PALS1: variants seen among roughly 807,000 people sequenced by gnomAD.
PALS1 encodes the protein protein associated with LIN7 1, MAGUK p55 family member.
In PALS1, 31 loss-of-function variants were observed where a neutral mutation model predicts 78.9. The observed-to-expected ratio is 0.39, with a 90% CI of 0.30 to 0.53. The LOEUF is 0.53. PALS1 is among the 20% of genes least tolerant of loss of function. The pLI, the probability that PALS1 is intolerant of heterozygous loss-of-function variation, is 0.67. For missense variants in PALS1, 704 were observed against 826.5 expected (o/e 0.85, Z 1.82); for synonymous variants, 276 against 270.9 (o/e 1.02, Z -0.18).
chr14:67,255,089 C>T (rs910651245), intron 1 of PALS1, among the ~76,000 whole-genome samples: 2 of 151,960 alleles, frequency 1.3e-5, no homozygotes, highest in Non-Finnish European at 2.9e-5. Context: ...GCGGAGGTTG[C>T]AGTGAGCCAG....
chr14:67,314,195 A>C (rs940333665), intron 9 of PALS1, among the ~76,000 whole-genome samples: 32 of 145,746 alleles, frequency 2.2e-4, no homozygotes, highest in African/African-American at 8.6e-4. Context: ...AAAGAAGAAA[A>C]GGAGGGCATG....
intron 1 of PALS1, among the ~76,000 whole-genome samples, chr14:67,252,183 ATT>A (rs1201198916): frequency 5.9e-5 from 9 of 151,902 alleles, no homozygotes; most frequent in Non-Finnish European, 1.2e-4. Context: ...AATTATTTTT[ATT>A]TATTTATTTT....
intron 8 of PALS1, 132 bp downstream of exon 8, chr14:67,303,731 T>C (rs2084961546): frequency 1.5e-6 from 1 of 684,204 alleles, no homozygotes; most frequent in Non-Finnish European, 2.5e-6. Context: ...TAAATAAATA[T>C]GAAATATCAA....
intron 9 of PALS1, among the ~76,000 whole-genome samples, chr14:67,315,385 TTCTC>T (rs1315481988): frequency 6.6e-6 from 1 of 150,974 alleles, no homozygotes; most frequent in East Asian, 2.0e-4. Context: ...CATGCCCTTC[TTCTC>T]TCTCAGTCTG....
Position 67,279,377 on chromosome 14 carries a change from G to A in PALS1, c.207G>A (p.Arg69=). 4 of 1,613,916 alleles carry A rather than the reference G, an allele frequency of 2.5e-6. No individual in the cohort carries two copies. Among genetic ancestry groups the A allele is most frequent in the Non-Finnish European group, 3.4e-6 (4 of 1,179,956 alleles). The part of the protein sequence containing the change: ...IRQQQEDMRR[R]REEEGKKQEL... ...AACAACAGGAGGACATGAGGCGTAG[G>A]AGAGAGGAAGAAGGGAAAAAGCAAG... The change falls in exon 3 of 15, where the codon AGG becomes AGA. Residue 69 remains arginine (R), a synonymous_variant. Coordinates refer to ENST00000261681, the MANE Select transcript of PALS1 (RefSeq NM_022474.4).
chr14:67,252,050 C>T (rs924529211), intron 1 of PALS1, among the ~76,000 whole-genome samples: 6 of 152,348 alleles, frequency 3.9e-5, no homozygotes, highest in East Asian at 1.9e-4. Flanking sequence ...GGAAGCTCCA[C>T]ACCACCCGCC....
At chr14:67,318,977 GA>G (rs1328959863) in intron 11 of PALS1, among the ~76,000 whole-genome samples, 1 of 151,730 alleles carries the variant, frequency 6.6e-6, no homozygotes, top group African/African-American at 2.4e-5. Context: ...AGAATGGCGT[GA>G]ACCCGGGAGG....
At chr14:67,242,071 C>G (rs546845802) in intron 1 of PALS1, 1 of 152,346 alleles carries the variant, frequency 6.6e-6, no homozygotes, top group Admixed American at 6.5e-5. Flanking sequence ...TAGTTTTGTT[C>G]ATGGTTTCTG....
chr14:67,323,261 G>GTGTATATATATA (rs1429954753), intron 13 of PALS1, among the ~76,000 whole-genome samples: 58 of 124,188 alleles, frequency 4.7e-4, no homozygotes, highest in Middle Eastern at 4.1e-3. Flanking sequence ...GTGTGTGTGT[G>GTGTATATATATA]TATATATATA....
rs201684864 is a variant in PALS1 at position 67,280,961 on chromosome 14, A to G, written c.367+1424A>G. Among the ~76,000 whole-genome samples the G allele has an allele frequency of 8.0e-5, 12 of 149,488 alleles. No homozygotes were observed. The East Asian group carries it at 2.4e-3, about 29-fold the overall frequency. Reference sequence around the variant, plus strand: ...GCCCAGGCTGGAGTGCAGTGGTGCAATCTTCGGCTCACAGCAATCTCCGCC... The same window carrying G: ...GCCCAGGCTGGAGTGCAGTGGTGCAGTCTTCGGCTCACAGCAATCTCCGCC... On this transcript the variant is annotated intron_variant, in intron 3 of 14. Coordinates refer to ENST00000261681, the MANE Select transcript of PALS1 (RefSeq NM_022474.4).
intron 4 of PALS1, among the ~76,000 whole-genome samples, chr14:67,293,190 A>G (rs2084800075): frequency 6.6e-6 from 1 of 152,142 alleles, no homozygotes; most frequent in Non-Finnish European, 1.5e-5. Context: ...ATCTTAATAT[A>G]CTATGGGAGT....
At chr14:67,304,638 G>A (rs2084975296) in intron 8 of PALS1, among the ~76,000 whole-genome samples, 1 of 152,172 alleles carries the variant, frequency 6.6e-6, no homozygotes, top group South Asian at 2.1e-4. Flanking sequence ...TGGAGATGAG[G>A]ATTTATGAGG....
chr14:67,281,172 C>CA, intron 3 of PALS1, among the ~76,000 whole-genome samples: 1 of 152,056 alleles, frequency 6.6e-6, no homozygotes, highest in East Asian at 1.9e-4. Context: ...GCTGGGATTA[C>CA]AGGTGTGAGC....
At chr14:67,263,046 A>G (rs1417639620) in intron 1 of PALS1, among the ~76,000 whole-genome samples, 1 of 152,140 alleles carries the variant, frequency 6.6e-6, no homozygotes, top group Non-Finnish European at 1.5e-5. Context: ...CAAGTAACCA[A>G]CCATTTGATA....
chr14:67,279,798 T>C (rs1425545941), intron 3 of PALS1: 1 of 365,946 alleles, frequency 2.7e-6, no homozygotes, highest in East Asian at 3.9e-5. Flanking sequence ...GGCCCTAACA[T>C]TTAAAGCCTT....
chr14:67,329,724 C>T (rs1424525134), intron 14 of PALS1, among the ~76,000 whole-genome samples: 1 of 151,938 alleles, frequency 6.6e-6, no homozygotes, highest in Non-Finnish European at 1.5e-5. Flanking sequence ...ACTAAAAATA[C>T]AAAAAACATT....
At chr14:67,296,822 C>T (rs1164856982) in intron 4 of PALS1, among the ~76,000 whole-genome samples, 1 of 152,036 alleles carries the variant, frequency 6.6e-6, no homozygotes, top group African/African-American at 2.4e-5. Context: ...GCAACCTCAA[C>T]CTCCTGGGCT....
At chr14:67,287,406 A>C (rs1458665195) in intron 3 of PALS1, among the ~76,000 whole-genome samples, 2 of 152,142 alleles carry the variant, frequency 1.3e-5, no homozygotes, top group Non-Finnish European at 2.9e-5. Context: ...GACTACAGGG[A>C]TATCAGTTAA....
chr14:67,328,141 C>G (rs760071442), intron 14 of PALS1, among the ~76,000 whole-genome samples: 42 of 152,274 alleles, frequency 2.8e-4, no homozygotes, highest in Non-Finnish European at 5.4e-4. Flanking sequence ...CTCTCCAGCA[C>G]CTGTTGTTTC....
Sources: allele counts gnomAD v4.1 joint callset (sites outside exome capture counted in the v4.1 genomes callset), GRCh38; gene constraint gnomAD v4.1.1; transcripts MANE v1.5; gene names NCBI Gene and HGNC (gene_info 2026-07-23, HGNC 2026-07-21).